The following MAPK10 variants were observed in gnomAD, a reference collection of about 807,000 sequenced individuals.
MAPK10 encodes the protein JNK3 alpha protein kinase.
In MAPK10, 25 loss-of-function variants were observed where a neutral mutation model predicts 59.3. The ratio of observed to expected loss-of-function variants is 0.42; its 90% CI spans 0.31 to 0.59. The LOEUF (loss-of-function observed/expected upper bound fraction) is 0.59. Ranked by LOEUF, MAPK10 falls within the 20% of genes least tolerant of loss-of-function variation. MAPK10 has a pLI of 0.15. For missense variants in MAPK10, 351 were observed against 568.9 expected, an observed-to-expected ratio of 0.62 and a Z score of 3.90; for synonymous variants, 190 against 200.5, an observed-to-expected ratio of 0.95 and a Z score of 0.44.
chr4:86,566,102 T>A (rs1417366857), intron 1 of MAPK10, among the ~76,000 whole-genome samples: 1 of 152,202 alleles, frequency 6.6e-6, no homozygotes, highest in Non-Finnish European at 1.5e-5. Context: ...TGGAACATCC[T>A]CTTCCCTGCA....
At chr4:86,547,554 C>T (rs146294945) in intron 1 of MAPK10, among the ~76,000 whole-genome samples, 2 of 152,306 alleles carry the variant, frequency 1.3e-5, no homozygotes, top group East Asian at 3.9e-4. Context: ...TCCCTGGGCT[C>T]CTGTGCCGCG....
At position 86,386,536 on chromosome 4, in the gene MAPK10, T is replaced by C. The variant is rs562579558; in HGVS notation, c.-121-31892A>G. On this transcript the variant is annotated intron_variant, in intron 1 of 13. Coordinates refer to the MAPK10 transcript ENST00000361569. Reference sequence around the variant, plus strand: ...CATGAATCTATGACTCTAATCTTGATCTATAAATGATAGAGATGATATTTT... The same window carrying C: ...CATGAATCTATGACTCTAATCTTGACCTATAAATGATAGAGATGATATTTT... Among the ~76,000 whole-genome samples the C allele has an allele frequency of 1.9e-3, 294 of 152,288 alleles. 1 individual carries two copies. Among genetic ancestry groups the C allele is most frequent in the African/African-American group, 6.9e-3 (286 of 41,554 alleles).
intron 3 of MAPK10, among the ~76,000 whole-genome samples, chr4:86,170,500 G>T (rs1386719884): frequency 6.6e-6 from 1 of 152,046 alleles, no homozygotes; most frequent in Non-Finnish European, 1.5e-5. Flanking sequence ...ATGGTAAAGG[G>T]ACCAATTCAA....
At chr4:86,364,129 G>A (rs1408159819), upstream of MAPK10, among the ~76,000 whole-genome samples, 1 of 146,726 alleles carries the variant, frequency 6.8e-6, no homozygotes, top group Non-Finnish European at 1.5e-5. Context: ...TTGTTGATTT[G>A]TTTTGTTTTG....
chr4:86,373,809 A>G (rs1739318321), intron 1 of MAPK10, among the ~76,000 whole-genome samples: 1 of 152,216 alleles, frequency 6.6e-6, no homozygotes, highest in Admixed American at 6.5e-5. Context: ...TGTTGATGGG[A>G]GTGTAAATTA....
At chr4:86,372,557 AAAGAAAGAAAG>A (rs1205903289) in intron 1 of MAPK10, among the ~76,000 whole-genome samples, 3 of 19,596 alleles carry the variant, frequency 1.5e-4, no homozygotes, top group Non-Finnish European at 1.9e-4. Context: ...AGAAAGAAAG[AAAGAAAGAAAG>A]AAAAGAAAAG....
intron 11 of MAPK10, among the ~76,000 whole-genome samples, chr4:86,033,399 C>T (rs2039520976): frequency 1.3e-5 from 2 of 152,224 alleles, no homozygotes; most frequent in African/African-American, 4.8e-5. Context: ...CCTTCTTCTT[C>T]TAACAATAGA....
intron 1 of MAPK10, among the ~76,000 whole-genome samples, chr4:86,465,782 A>AC (rs745907665): frequency 1.3e-5 from 2 of 151,806 alleles, no homozygotes; most frequent in Non-Finnish European, 2.9e-5. Flanking sequence ...GATCCTGAGG[A>AC]CCCCCCAGTT....
chr4:86,021,510 G>A (rs1221266760), intron 13 of MAPK10, among the ~76,000 whole-genome samples: 3 of 152,258 alleles, frequency 2.0e-5, no homozygotes, highest in African/African-American at 4.8e-5. Context: ...GACTCTCCAC[G>A]TCCTCACCAG....
intron 1 of MAPK10, among the ~76,000 whole-genome samples, chr4:86,445,975 A>C (rs1373904161): frequency 1.3e-5 from 2 of 152,220 alleles, no homozygotes; most frequent in African/African-American, 4.8e-5. Context: ...AAAGAAAAAA[A>C]TCTTAATTTT....
At chr4:86,420,200 G>A (rs1274663476) in intron 1 of MAPK10, among the ~76,000 whole-genome samples, 3 of 152,202 alleles carry the variant, frequency 2.0e-5, no homozygotes, top group Non-Finnish European at 4.4e-5. Context: ...TGAGGAACAA[G>A]TTGACTGTTG....
chr4:86,222,498 G>A (rs1266322510), intron 2 of MAPK10, among the ~76,000 whole-genome samples: 3 of 152,146 alleles, frequency 2.0e-5, no homozygotes, highest in Admixed American at 1.3e-4. Context: ...TTGGGGCATC[G>A]CCTTAGGGTC....
intron 4 of MAPK10, among the ~76,000 whole-genome samples, chr4:86,122,013 C>T (rs1332185475): frequency 1.3e-5 from 2 of 152,132 alleles, no homozygotes; most frequent in Non-Finnish European, 2.9e-5. Flanking sequence ...CCCTAAAGAA[C>T]TCAGGGCCTT....
At chr4:86,182,210 A>G (rs985498470) in intron 3 of MAPK10, among the ~76,000 whole-genome samples, 2 of 152,154 alleles carry the variant, frequency 1.3e-5, no homozygotes, top group African/African-American at 4.8e-5. Flanking sequence ...GTTAAAAAAA[A>G]TAATAAGAGT....
chr4:86,482,656 TGAA>T (rs1753696984), intron 1 of MAPK10, among the ~76,000 whole-genome samples: 1 of 152,160 alleles, frequency 6.6e-6, no homozygotes, highest in African/African-American at 2.4e-5. Flanking sequence ...CTATGAATTA[TGAA>T]GGACTAGCTC....
intron 1 of MAPK10, among the ~76,000 whole-genome samples, chr4:86,403,750 C>G (rs548304986): frequency 2.0e-5 from 3 of 152,242 alleles, no homozygotes; most frequent in South Asian, 4.1e-4. Flanking sequence ...GATACTCACT[C>G]ACTATCATGA....
intron 1 of MAPK10, among the ~76,000 whole-genome samples, chr4:86,509,215 C>G (rs1031714719): frequency 1.1e-4 from 17 of 152,060 alleles, no homozygotes; most frequent in African/African-American, 4.1e-4. Flanking sequence ...CGCTTCATGG[C>G]AGCCAACAAC....
chr4:86,079,554 G>A (rs939191409), intron 9 of MAPK10: 4 of 152,150 alleles, frequency 2.6e-5, no homozygotes, highest in Non-Finnish European at 5.9e-5. Context: ...CTCTCAGCCT[G>A]TGATAGTATT....
intron 4 of MAPK10, among the ~76,000 whole-genome samples, chr4:86,132,182 A>C (rs2061131848): frequency 6.6e-6 from 1 of 152,218 alleles, no homozygotes; most frequent in African/African-American, 2.4e-5. Context: ...TGAGTTAATA[A>C]CCTAATTATT....
Sources: gnomAD v4.1 joint callset for allele counts (sites outside exome capture counted in the v4.1 genomes callset) on GRCh38, gnomAD v4.1.1 for gene constraint, MANE v1.5 for transcripts, NCBI Gene and HGNC (gene_info 2026-07-23, HGNC 2026-07-21) for gene names.